Variants in HADHB observed in about 807,000 individuals in gnomAD.
HADHB encodes trifunctional enzyme subunit beta, mitochondrial.
A neutral mutation model predicts 61.9 loss-of-function variants in HADHB; 50 were observed. That is an observed-to-expected ratio of 0.81 (90% CI 0.64 to 1.02). The LOEUF (loss-of-function observed/expected upper bound fraction) is 1.02. Ranked by LOEUF, HADHB falls within the 50% of genes least tolerant of loss-of-function variation. The pLI, the probability that HADHB is intolerant of heterozygous loss-of-function variation, is 0.00. For missense variants in HADHB, 504 were observed against 586.5 expected (o/e 0.86, Z 1.45); for synonymous variants, 191 against 201.6 (o/e 0.95, Z 0.45).
At chr2:26,267,743 G>T (rs34721543) in intron 4 of HADHB, among the ~76,000 whole-genome samples, 25,590 of 146,626 alleles carry the variant, frequency 0.17, 2,655 homozygotes, top group Middle Eastern at 0.27. Flanking sequence ...CTGCACTCCA[G>T]CCTGGGCAAC....
chr2:26,245,814 T>C (rs1671128199), intron 1 of HADHB, among the ~76,000 whole-genome samples: 1 of 152,166 alleles, frequency 6.6e-6, no homozygotes. Flanking sequence ...CATACCTTTT[T>C]GTTTAGTCCT....
chr2:26,265,213 A>G (rs1031827335), intron 4 of HADHB, among the ~76,000 whole-genome samples: 1 of 152,204 alleles, frequency 6.6e-6, no homozygotes, highest in African/African-American at 2.4e-5. Flanking sequence ...AGTTCCATCA[A>G]GACATGAAAG....
In HADHB at chr2:26,254,489, A is replaced by C; in HGVS notation, c.109+15A>C. 6.6e-7 allele frequency: 1 copy of C among 1,508,416 alleles called. No homozygotes were observed. The highest frequency in any genetic ancestry group is 9.2e-7 in the Non-Finnish European group (1 of 1,083,652). 93.4% of individuals were successfully genotyped at this position (1,508,416 alleles called of 1,614,324 possible). A position where few individuals can be genotyped will look rare whatever the true frequency, so the allele number is the denominator to read the frequency against. On this transcript the variant is annotated intron_variant, in intron 3 of 15. Coordinates refer to ENST00000317799, the MANE Select transcript of HADHB (RefSeq NM_000183.3). ...AGCTGCCCCAGGTACAGTAATTTGT[A>C]AAATAAATATTTCTGATTTAAATGT... is the stretch of plus-strand genomic sequence containing the variant.
intron 5 of HADHB, 77 bp from the exon 6 acceptor site, chr2:26,273,574 C>T (rs1308911323): frequency 1.2e-6 from 1 of 805,366 alleles, no homozygotes; most frequent in Non-Finnish European, 2.2e-6. Flanking sequence ...TTTCAAGGAG[C>T]GCAGTGTTTT....
chr2:26,263,028 G>A (rs1671923509), intron 3 of HADHB, among the ~76,000 whole-genome samples: 2 of 152,140 alleles, frequency 1.3e-5, no homozygotes, highest in South Asian at 2.1e-4. Context: ...GGCCAGGCAC[G>A]GTAGCTCACA....
At chr2:26,254,518 A>G (rs1166692557) in intron 3 of HADHB, 44 bp downstream of exon 3, 2 of 1,265,212 alleles carry the variant, frequency 1.6e-6, no homozygotes, top group Non-Finnish European at 1.2e-6. Flanking sequence ...TAAATGTTAG[A>G]TTCCAGATTC....
rs1671942605 is a variant in HADHB, at chr2:26,263,446, G to A, written c.176G>A (p.Gly59Asp). 1 of 1,612,424 alleles carries A rather than the reference G, an allele frequency of 6.2e-7. No individual in the cohort carries two copies. Among genetic ancestry groups the A allele is most frequent in the African/African-American group, 1.3e-5 (1 of 74,998 alleles). ...PNIRNVVVVDGVRTPFLLSGT... is the reference protein window; with the variant it reads ...PNIRNVVVVDDVRTPFLLSGT... Reference sequence around the variant, plus strand: ...ATAAGGAATGTTGTGGTGGTGGATGGTGTTCGCACTCCATTTTTGCTGTCT... The same window carrying A: ...ATAAGGAATGTTGTGGTGGTGGATGATGTTCGCACTCCATTTTTGCTGTCT... Residue 59 changes from glycine (G) to aspartate (D), a missense_variant, in exon 4 of 16, where the codon GGT (glycine) becomes GAT (aspartate). By Grantham distance (94) the Gly-to-Asp change is moderately conservative. Transcript: ENST00000317799.
rs1558356912 is a variant in HADHB, at chr2:26,278,785, A to G, written c.614A>G (p.Asn205Ser). 3 of 1,614,080 alleles carry G rather than the reference A, an allele frequency of 1.9e-6. No homozygotes were observed. The highest frequency in any genetic ancestry group is 2.5e-6 in the Non-Finnish European group (3 of 1,179,926). ...RLSLISKFRF[N>S]FLAPELPAVS... ...TCTTTAATCTCTAAATTCCGATTTA[A>G]TTTCCTAGCACCTGAGGTAAGGCTT... Residue 205 changes from asparagine to serine, a missense_variant, in exon 8 of 16, where the codon AAT becomes AGT. By Grantham distance (46) the Asn-to-Ser change is conservative (BLOSUM62 1). Coordinates refer to ENST00000317799, the MANE Select transcript of HADHB (RefSeq NM_000183.3).
chr2:26,273,558 A>T (rs901340124), intron 5 of HADHB, 93 bp from the exon 6 acceptor site: 2 of 765,456 alleles, frequency 2.6e-6, no homozygotes, highest in Middle Eastern at 2.7e-4. Flanking sequence ...ATTCAAGGCT[A>T]ACCTTTTTCA....
At chr2:26,275,354 G>A (rs3792006) in intron 6 of HADHB, among the ~76,000 whole-genome samples, 13,851 of 152,166 alleles carry the variant, frequency 0.091, 2,269 homozygotes, top group East Asian at 0.75. Flanking sequence ...ACCTGACTTT[G>A]TTGAAAGGTT....
intron 15 of HADHB, among the ~76,000 whole-genome samples, chr2:26,289,559 G>A (rs1228553647): frequency 6.6e-6 from 1 of 152,078 alleles, no homozygotes; most frequent in African/African-American, 2.4e-5. Flanking sequence ...GCATCCATTT[G>A]TAGAGCATCA....
At chr2:26,281,837 G>T (rs1211051655) in intron 10 of HADHB, among the ~76,000 whole-genome samples, 1 of 152,126 alleles carries the variant, frequency 6.6e-6, no homozygotes, top group Admixed American at 6.6e-5. Context: ...GACAGAATGT[G>T]GTAGAACTTA....
At chr2:26,245,119 G>T in intron 1 of HADHB, 129 bp downstream of exon 1, 1 of 215,916 alleles carries the variant, frequency 4.6e-6, no homozygotes, top group Admixed American at 5.2e-5. Flanking sequence ...TGAGGGAGCG[G>T]AAGGAAACTC....
At chr2:26,279,041 G>T in intron 8 of HADHB, 94 bp from the exon 9 acceptor site, 2 of 1,094,144 alleles carry the variant, frequency 1.8e-6, no homozygotes, top group South Asian at 1.3e-5. Context: ...TAGACAAATA[G>T]ATTTTAACTT....
At chr2:26,260,963 C>G in intron 3 of HADHB, 1 of 1,324,054 alleles carries the variant, frequency 7.6e-7, no homozygotes, top group Non-Finnish European at 1.0e-6. Context: ...GCATTTCTTT[C>G]CATGCTTCTT....
Position 26,264,457 on chromosome 2 carries a change from G to A in HADHB, c.209+978G>A, listed in dbSNP as rs184422806. Reference sequence around the variant, plus strand: ...CCCAGCTACTCAGGAGGCTGAGGTGGGAGGATCACTTGAGCCTGGGAGGTC... The same window carrying A: ...CCCAGCTACTCAGGAGGCTGAGGTGAGAGGATCACTTGAGCCTGGGAGGTC... On this transcript the variant is annotated intron_variant, in intron 4 of 15. Transcript: ENST00000317799. Among the ~76,000 whole-genome samples the A allele has an allele frequency of 9.8e-4, 148 of 151,540 alleles. 1 individual carries two copies. The highest frequency in any genetic ancestry group is 2.1e-3 in the Admixed American group (32 of 15,174).
intron 5 of HADHB, 63 bp from the exon 6 acceptor site, chr2:26,273,588 T>A (rs1416335986): frequency 2.3e-6 from 2 of 882,438 alleles, no homozygotes; most frequent in East Asian, 4.8e-5. Context: ...GTGTTTTGTG[T>A]GATGATCTCT....
chr2:26,245,045 A>C, intron 1 of HADHB, 55 bp downstream of exon 1: 2 of 207,286 alleles, frequency 9.6e-6, no homozygotes, highest in South Asian at 7.1e-5. Flanking sequence ...GCGAGATTCC[A>C]CTTCCTTCCC....
intron 1 of HADHB, among the ~76,000 whole-genome samples, chr2:26,252,644 G>T (rs1213566322): frequency 6.6e-6 from 1 of 152,150 alleles, no homozygotes; most frequent in Non-Finnish European, 1.5e-5. Flanking sequence ...AGCTTAAAAT[G>T]GTTCCGAATT....
Sources: allele counts gnomAD v4.1 joint callset (sites outside exome capture counted in the v4.1 genomes callset), GRCh38; gene constraint gnomAD v4.1.1; transcripts MANE v1.5; gene names NCBI Gene and HGNC (gene_info 2026-07-23, HGNC 2026-07-21).